WDR97: variants seen among roughly 807,000 people sequenced by gnomAD.
WDR97 encodes WD repeat-containing protein 97.
In WDR97, 111 loss-of-function variants were observed where a neutral mutation model predicts 65.4. That is an observed-to-expected ratio of 1.70 (90% CI 1.45 to 1.99). WDR97 has a LOEUF of 1.99. Ranked by LOEUF, WDR97 falls within the 30% of genes most tolerant of loss-of-function variation. The probability of loss-of-function intolerance (pLI) is 0.00; values close to 1 mark genes in which losing one functional copy is unlikely to be tolerated. For missense variants in WDR97, 1,674 were observed against 865.0 expected, an observed-to-expected ratio of 1.94 and a Z score of -11.73; for synonymous variants, 802 against 397.7, an observed-to-expected ratio of 2.02 and a Z score of -12.10.
intron 11 of WDR97, 66 bp downstream of exon 11, chr8:144,111,552 G>C: frequency 1.5e-6 from 1 of 689,470 alleles, no homozygotes; most frequent in Non-Finnish European, 2.6e-6. Context: ...CCTGGGGCAG[G>C]CCTGGGATCC....
At chr8:144,111,566 T>C (rs1296942500) in intron 11 of WDR97, 66 bp from the exon 12 acceptor site, 1 of 684,462 alleles carries the variant, frequency 1.5e-6, no homozygotes, top group Non-Finnish European at 2.7e-6. Flanking sequence ...GGGATCCCCA[T>C]GGTTGCCCGG....
In WDR97 at chr8:144,113,168, G is replaced by A. The variant is rs549595691; in HGVS notation, c.3106-272G>A. ...CCAAGTCCTGTAAGGAGCTTGCAGG[G>A]TGTCAGGGCCCCTAGAAGCCAGCAC... On this transcript the variant is annotated intron_variant, in intron 15 of 23. Transcript: ENST00000323662. 1.5e-5 allele frequency: 8 copies of A among 538,666 alleles called. No individual in the cohort carries two copies. The South Asian group carries it at 1.5e-4, about 10-fold the overall frequency. The allele number at this position is 538,666 out of a possible 1,614,324, so 33.4% of individuals were successfully genotyped here.
intron 21 of WDR97, 92 bp downstream of exon 21, chr8:144,115,003 A>T: frequency 1.6e-6 from 1 of 614,028 alleles, no homozygotes; most frequent in Non-Finnish European, 2.9e-6. Context: ...CTGAGGCCAC[A>T]GGCTCCTTCC....
In WDR97 at chr8:144,113,762, G is replaced by A. The variant is rs942059368; in HGVS notation, c.3289G>A (p.Gly1097Arg). The change falls in exon 17 of 24, where the codon GGG becomes AGG. Residue 1097 changes from glycine (G) to arginine (R), a missense_variant. Coordinates refer to ENST00000323662, the MANE Select transcript of WDR97 (RefSeq NM_001316309.2). Reference protein sequence around the residue: ...QWMGEKPGEEGEEDKKEEEEE... With the variant: ...QWMGEKPGEEREEDKKEEEEE... ...GATGGGGGAGAAGCCTGGGGAGGAG[G>A]GGGAGGAAGACAAGAAGGAAGAGGA... 1.3e-5 allele frequency: 9 copies of A among 702,386 alleles called. No individual in the cohort carries two copies. Among genetic ancestry groups the A allele is most frequent in the African/African-American group, 3.5e-5 (2 of 57,260 alleles). 43.5% of individuals were successfully genotyped at this position (702,386 alleles called of 1,614,324 possible). A position where few individuals can be genotyped will look rare whatever the true frequency, so the allele number is the denominator to read the frequency against.
rs992060557 is a variant in WDR97 at position 144,110,595 on chromosome 8, G to C, written c.2080+18G>C. 7 of 702,620 alleles carry C rather than the reference G, an allele frequency of 1.0e-5. No individual in the cohort carries two copies. In the African/African-American group the frequency reaches 1.2e-4, roughly 12 times the overall value. The allele number at this position is 702,620 out of a possible 1,614,324, so 43.5% of individuals were successfully genotyped here. On this transcript the variant is annotated intron_variant, in intron 7 of 23. Transcript: ENST00000323662. Reference sequence around the variant, plus strand: ...CATCACTGGTGAGGGGGCAGCATGGGTGAAGCCCAGCCACCGCCCAGCTCC... The same window carrying C: ...CATCACTGGTGAGGGGGCAGCATGGCTGAAGCCCAGCCACCGCCCAGCTCC...
At position 144,109,591 on chromosome 8, in the gene WDR97, G is replaced by A. The variant is rs1300747549; in HGVS notation, c.1257G>A (p.Ala419=). The part of the protein sequence containing the change: ...WRVRELYSPL[A]QLPAKVLHVQ... ...TACGCGAGCTCTACTCGCCGTTGGC[G>A]CAACTGCCCGCCAAGGTGCTCCACG... The change falls in exon 5 of 24, where the codon GCG becomes GCA. Residue 419 remains alanine (A), a synonymous_variant. Transcript: ENST00000323662. The A allele has an allele frequency of 1.4e-6, 1 of 690,410 alleles. No homozygotes were observed. Among genetic ancestry groups the A allele is most frequent in the African/African-American group, 1.8e-5 (1 of 55,678 alleles). 42.8% of individuals were successfully genotyped at this position (690,410 alleles called of 1,614,324 possible). A position where few individuals can be genotyped will look rare whatever the true frequency, so the allele number is the denominator to read the frequency against.
At position 144,108,149 on chromosome 8, in the gene WDR97, G is replaced by A. The variant is rs957352758; in HGVS notation, c.203G>A (p.Arg68Gln). Residue 68 changes from arginine (R) to glutamine (Q), a missense_variant, in exon 2 of 24, where the codon CGG becomes CAG. Transcript: ENST00000323662. The part of the protein sequence containing the change: ...QSLTPRARAR[R>Q]LWLLLRTSLH... ...CTGACCCCGCGCGCCCGCGCCCGCC[G>A]GCTGTGGCTGCTTCTGCGCACCAGC... 1.0e-5 allele frequency: 7 copies of A among 702,364 alleles called. No individual in the cohort carries two copies. The highest frequency in any genetic ancestry group is 8.7e-5 in the African/African-American group (5 of 57,354). 43.5% of individuals were successfully genotyped at this position (702,364 alleles called of 1,614,324 possible).
chr8:144,115,540 G>A lies in WDR97; in HGVS notation c.4277G>A (p.Arg1426His), dbSNP rs913721177. 1.9e-5 allele frequency: 13 copies of A among 696,824 alleles called. 1 individual carries two copies. In the Admixed American group the frequency reaches 2.0e-4, roughly 11 times the overall value. 43.2% of individuals were successfully genotyped at this position (696,824 alleles called of 1,614,324 possible). The change falls in exon 22 of 24, where the codon CGC (arginine) becomes CAC (histidine). Residue 1426 changes from arginine to histidine, a missense_variant. Transcript: ENST00000323662. ...LQAQRMLAPK[R>H]SWGTPQLRLR... Reference sequence around the variant, plus strand: ...GCCCAGCGGATGCTGGCACCCAAGCGCAGCTGGGGGACCCCTCAGCTCCGT... The same window carrying A: ...GCCCAGCGGATGCTGGCACCCAAGCACAGCTGGGGGACCCCTCAGCTCCGT...
At chr8:144,110,608 A>G (rs1261641041) in intron 7 of WDR97, 31 bp downstream of exon 7, 1 of 702,730 alleles carries the variant, frequency 1.4e-6, no homozygotes, top group Non-Finnish European at 2.6e-6. Context: ...AAGCCCAGCC[A>G]CCGCCCAGCT....
chr8:144,111,484 G>A lies in WDR97; in HGVS notation c.2485G>A (p.Glu829Lys). The A allele has an allele frequency of 1.4e-6, 1 of 702,678 alleles. No individual in the cohort carries two copies. Among genetic ancestry groups the A allele is most frequent in the Non-Finnish European group, 2.6e-6 (1 of 384,916 alleles). 43.5% of individuals were successfully genotyped at this position (702,678 alleles called of 1,614,324 possible). A position where few individuals can be genotyped will look rare whatever the true frequency, so the allele number is the denominator to read the frequency against. The part of the protein sequence containing the change: ...RATSQHLVPK[E>K]DLDAIVARDR... ...AACATCTCAGCACCTGGTGCCGAAG[G>A]AGGTGGGGTGGGTCCTCCTTAGCCC... The change falls in exon 11 of 24, where the codon GAG becomes AAG. Residue 829 changes from glutamate to lysine, a missense_variant and splice_region_variant. Glu to Lys is a moderately conservative substitution (Grantham distance 56). Coordinates refer to ENST00000323662, the MANE Select transcript of WDR97 (RefSeq NM_001316309.2).
chr8:144,107,920 G>T (rs962137097), intron 1 of WDR97, 58 bp downstream of exon 1: 5 of 702,482 alleles, frequency 7.1e-6, no homozygotes, highest in Non-Finnish European at 1.3e-5. Flanking sequence ...TCTCATTCGG[G>T]CTTGGGTTCC....
chr8:144,112,051 C>G lies in WDR97; in HGVS notation c.2802C>G (p.Asp934Glu). ...TGCCAACAGCCCTGTCCCCACAGGA[C>G]CTGGGAGCCCTGGGCCAGCACTTCT... ...QTVPTALSPQ[D>E]LGALGQHFSQ... Residue 934 changes from aspartate to glutamate, a missense_variant, in exon 13 of 24, where the codon GAC becomes GAG. Coordinates refer to ENST00000323662, the MANE Select transcript of WDR97 (RefSeq NM_001316309.2). The G allele has an allele frequency of 2.8e-6, 2 of 702,736 alleles. No individual in the cohort carries two copies. The highest frequency in any genetic ancestry group is 3.0e-5 in the South Asian group (2 of 67,602). The allele number at this position is 702,736 out of a possible 1,614,324, so 43.5% of individuals were successfully genotyped here.
Position 144,115,358 on chromosome 8 carries a change from G to A in WDR97, c.4095G>A (p.Thr1365=), listed in dbSNP as rs1010315084. 8 of 606,630 alleles carry A rather than the reference G, an allele frequency of 1.3e-5. No homozygotes were observed. Among genetic ancestry groups the A allele is most frequent in the Non-Finnish European group, 2.1e-5 (7 of 336,916 alleles). 37.6% of individuals were successfully genotyped at this position (606,630 alleles called of 1,614,324 possible). ...CTCCCAAGGAGACCCCATCGCAGAC[G>A]TCAGTGGTCTCTGGGGCACCCACAC... ...IQELQETPSQ[T]SVVSGAPTRA... is the part of the protein sequence containing the mutation. Residue 1365 remains threonine (T), a synonymous_variant, in exon 22 of 24, where the codon ACG becomes ACA. Transcript: ENST00000323662.
At chr8:144,109,222 C>T in intron 4 of WDR97, 52 bp downstream of exon 4, 1 of 702,128 alleles carries the variant, frequency 1.4e-6, no homozygotes, top group South Asian at 1.5e-5. Flanking sequence ...TCCAGCCGCT[C>T]TAGGCTGTCC....
chr8:144,112,166 C>G (rs571755026), intron 13 of WDR97, 22 bp downstream of exon 13: 1 of 701,120 alleles, frequency 1.4e-6, no homozygotes, highest in Non-Finnish European at 2.6e-6. Context: ...CACCCTCCCA[C>G]ATGCCTGCTG....
At position 144,114,693 on chromosome 8, in the gene WDR97, C is replaced by T. The variant is rs2130109235; in HGVS notation, c.3914+18C>T. The T allele has an allele frequency of 1.4e-6, 1 of 702,658 alleles. No homozygotes were observed. The highest frequency in any genetic ancestry group is 2.6e-6 in the Non-Finnish European group (1 of 384,906). 43.5% of individuals were successfully genotyped at this position (702,658 alleles called of 1,614,324 possible). On this transcript the variant is annotated intron_variant, in intron 20 of 23. Coordinates refer to ENST00000323662, the MANE Select transcript of WDR97 (RefSeq NM_001316309.2). ...CACTGCCGGTGAGTTGCGCTCCTGC[C>T]CAGCCCTCCCTGCCACTGGGAAGGC...
At position 144,108,046 on chromosome 8, in the gene WDR97, T is replaced by C. The variant is rs1836452943; in HGVS notation, c.113-13T>C. ...AGGCTGTAGGTGGCAGAACTTCCAGTTCCTGCCCGCAGAGTTGACTTTCAC... is the reference window on the plus strand; with the variant it reads ...AGGCTGTAGGTGGCAGAACTTCCAGCTCCTGCCCGCAGAGTTGACTTTCAC... On this transcript the variant is annotated splice_polypyrimidine_tract_variant and intron_variant, in intron 1 of 23. Coordinates refer to ENST00000323662, the MANE Select transcript of WDR97 (RefSeq NM_001316309.2). 1.4e-6 allele frequency: 1 copy of C among 702,616 alleles called. No homozygotes were observed. The allele number at this position is 702,616 out of a possible 1,614,324, so 43.5% of individuals were successfully genotyped here.
rs1334130088 is a variant in WDR97, at chr8:144,116,524, A to G, written c.*231A>G. 3.5e-5 allele frequency: 17 copies of G among 488,458 alleles called. No homozygotes were observed. 30.3% of individuals were successfully genotyped at this position (488,458 alleles called of 1,614,324 possible). A position where few individuals can be genotyped will look rare whatever the true frequency, so the allele number is the denominator to read the frequency against. Reference sequence around the variant, plus strand: ...CCATCGTGGGCACCAGCGTTCCCGGAGGGGTGGCCGGCCTAGGGCAGAGGA... The same window carrying G: ...CCATCGTGGGCACCAGCGTTCCCGGGGGGGTGGCCGGCCTAGGGCAGAGGA... On this transcript the variant is annotated 3_prime_UTR_variant, in exon 24 of 24. Transcript: ENST00000323662.
At position 144,113,468 on chromosome 8, in the gene WDR97, G is replaced by A. The variant is rs943920591; in HGVS notation, c.3134G>A (p.Gly1045Asp). Reference sequence around the variant, plus strand: ...TGCCTGAGGCCCATCTGCTTCCCCGGCTATGTGCCCAACTCCGCGGTGCTA... The same window carrying A: ...TGCCTGAGGCCCATCTGCTTCCCCGACTATGTGCCCAACTCCGCGGTGCTA... ...KHCLRPICFP[G>D]YVPNSAVLQQ... Residue 1045 changes from glycine (G) to aspartate (D), a missense_variant, in exon 16 of 24, where the codon GGC becomes GAC. Coordinates refer to ENST00000323662, the MANE Select transcript of WDR97 (RefSeq NM_001316309.2). The A allele has an allele frequency of 8.5e-6, 6 of 702,352 alleles. No individual in the cohort carries two copies. Among genetic ancestry groups the A allele is most frequent in the Admixed American group, 4.0e-5 (2 of 50,000 alleles). 43.5% of individuals were successfully genotyped at this position (702,352 alleles called of 1,614,324 possible).
Sources: gnomAD v4.1 joint callset for allele counts on GRCh38, gnomAD v4.1.1 for gene constraint, MANE v1.5 for transcripts, NCBI Gene and HGNC (gene_info 2026-07-23, HGNC 2026-07-21) for gene names.